The following SYNJ2 variants were observed in gnomAD, a reference collection of about 807,000 sequenced individuals.
SYNJ2 encodes synaptojanin 2, also known as polyphosphatidylinositol phosphatase SYNJ2.
SYNJ2 carries 116 observed loss-of-function variants against 141.3 expected under a neutral mutation model. The ratio of observed to expected loss-of-function variants is 0.82; its 90% CI spans 0.71 to 0.96. The LOEUF is 0.96. Ranked by LOEUF, SYNJ2 falls within the 40% of genes least tolerant of loss-of-function variation. The probability of loss-of-function intolerance (pLI) is 0.00; values close to 1 mark genes in which losing one functional copy is unlikely to be tolerated. For missense variants in SYNJ2, 1,873 were observed against 1,934.8 expected (o/e 0.97, Z 0.60); for synonymous variants, 745 against 777.7 (o/e 0.96, Z 0.70).
At position 158,027,893 on chromosome 6, in the gene SYNJ2, A is replaced by T. The variant is rs907191648; in HGVS notation, c.215-863A>T. ...AGAGGCAGGATGGTCCCTACGGAGCATGTGGGGACGCTCGTGTTCTTCCAG... is the reference window on the plus strand; with the variant it reads ...AGAGGCAGGATGGTCCCTACGGAGCTTGTGGGGACGCTCGTGTTCTTCCAG... On this transcript the variant is annotated intron_variant, in intron 2 of 26. Transcript: ENST00000355585. This position sits in a 1 kb window ranked among gnomAD's most constrained non-coding sequence, Gnocchi z 4.6. 5 of 152,390 alleles carry T rather than the reference A, an allele frequency of 3.3e-5. No homozygotes were observed. Among genetic ancestry groups the T allele is most frequent in the African/African-American group, 1.2e-4 (5 of 41,424 alleles). The allele number at this position is 152,390 out of a possible 1,614,324, so 9.4% of individuals were successfully genotyped here.
chr6:158,037,384 G>T (rs1779691976), intron 4 of SYNJ2, among the ~76,000 whole-genome samples: 1 of 146,716 alleles, frequency 6.8e-6, no homozygotes, highest in African/African-American at 2.5e-5. Context: ...CCCTACTCCA[G>T]TTGTCCTCAT....
intron 4 of SYNJ2, among the ~76,000 whole-genome samples, chr6:158,042,804 T>C (rs146335120): frequency 6.6e-6 from 1 of 152,254 alleles, no homozygotes; most frequent in Non-Finnish European, 1.5e-5. Flanking sequence ...CAAGATCAGG[T>C]TGAGTCTTGC....
intron 26 of SYNJ2, among the ~76,000 whole-genome samples, chr6:158,093,432 C>T (rs1405989650): frequency 1.5e-5 from 2 of 132,256 alleles, no homozygotes; most frequent in African/African-American, 6.1e-5. Flanking sequence ...TGAGACTCCA[C>T]CTCAAAAAAA....
intron 7 of SYNJ2, among the ~76,000 whole-genome samples, chr6:158,061,555 G>A (rs1781220025): frequency 6.6e-6 from 1 of 152,186 alleles, no homozygotes; most frequent in African/African-American, 2.4e-5. Flanking sequence ...TGCGCGGCAG[G>A]ATGGGGCCGG....
intron 1 of SYNJ2, among the ~76,000 whole-genome samples, chr6:157,985,674 C>T (rs7747537): frequency 0.027 from 4,160 of 152,202 alleles, 192 homozygotes; most frequent in African/African-American, 0.095. Context: ...TCAGAGTAAG[C>T]GACAGTGTTC....
chr6:157,989,397 A>T (rs1246236200), intron 1 of SYNJ2, among the ~76,000 whole-genome samples: 1 of 146,882 alleles, frequency 6.8e-6, no homozygotes, highest in African/African-American at 2.5e-5. Flanking sequence ...CAATATGTTC[A>T]GTAAAATCTC....
chr6:158,050,256 A>C (rs1202157182), intron 5 of SYNJ2, among the ~76,000 whole-genome samples: 1 of 152,260 alleles, frequency 6.6e-6, no homozygotes, highest in African/African-American at 2.4e-5. Flanking sequence ...GTTAAAACAC[A>C]GATTCCTGGC....
At chr6:157,999,170 C>T (rs559991997) in intron 1 of SYNJ2, among the ~76,000 whole-genome samples, 1 of 152,232 alleles carries the variant, frequency 6.6e-6, no homozygotes, top group Non-Finnish European at 1.5e-5. Flanking sequence ...AGGAAAAATA[C>T]AAATGGCCAA....
At chr6:158,047,932 G>C (rs2502602) in intron 5 of SYNJ2, among the ~76,000 whole-genome samples, 147,487 of 152,220 alleles carry the variant, frequency 0.97, 71,492 homozygotes, top group East Asian at 1. Context: ...TCTTGGTGCC[G>C]TGAGCACTGA....
At chr6:158,029,092 G>A in intron 3 of SYNJ2, 66 bp downstream of exon 3, 1 of 634,904 alleles carries the variant, frequency 1.6e-6, no homozygotes, top group Non-Finnish European at 2.1e-6. Context: ...GCCCTGGTTG[G>A]CATCTGAGGC....
At chr6:158,045,131 G>A (rs972836759) in intron 5 of SYNJ2, among the ~76,000 whole-genome samples, 1 of 112,818 alleles carries the variant, frequency 8.9e-6, no homozygotes, top group Non-Finnish European at 1.7e-5. Flanking sequence ...TTTTTGAGAT[G>A]GAGTCTCACT....
rs1779203540 is a variant in SYNJ2 at position 158,028,859 on chromosome 6, T to C, written c.318T>C (p.Pro106=). ...IYKITATDFY[P]LQEEAKEEER... is the part of the protein sequence containing the mutation. ...AAATCACTGCCACTGACTTTTACCC[T>C]CTTCAGGAAGAGGCCAAGGAGGAGG... The change falls in exon 3 of 27, where the codon CCT becomes CCC. Residue 106 remains proline, a synonymous_variant. Coordinates refer to ENST00000355585, the MANE Select transcript of SYNJ2 (RefSeq NM_003898.4). The C allele has an allele frequency of 6.2e-7, 1 of 1,614,062 alleles. No individual in the cohort carries two copies. Among genetic ancestry groups the C allele is most frequent in the African/African-American group, 1.3e-5 (1 of 74,912 alleles).
At chr6:158,032,857 G>GA (rs1303037012) in intron 3 of SYNJ2, among the ~76,000 whole-genome samples, 1 of 152,228 alleles carries the variant, frequency 6.6e-6, no homozygotes, top group Non-Finnish European at 1.5e-5. Context: ...TAGGCATGGA[G>GA]AGGGAATACT....
chr6:158,013,413 G>T (rs749935201), intron 1 of SYNJ2, among the ~76,000 whole-genome samples: 2 of 152,146 alleles, frequency 1.3e-5, no homozygotes, highest in Non-Finnish European at 2.9e-5. Context: ...GAACAATTTT[G>T]TATACAGATT....
At chr6:158,033,169 T>A (rs945006364) in intron 3 of SYNJ2, among the ~76,000 whole-genome samples, 1 of 152,246 alleles carries the variant, frequency 6.6e-6, no homozygotes, top group Non-Finnish European at 1.5e-5. Context: ...CCAGCTTTGC[T>A]TCCATTTAGC....
intron 26 of SYNJ2, among the ~76,000 whole-genome samples, chr6:158,094,833 C>A (rs897038245): frequency 6.6e-6 from 1 of 152,190 alleles, no homozygotes; most frequent in Admixed American, 6.5e-5. Flanking sequence ...GGTTTCCATT[C>A]TTTACCAATA....
At chr6:158,087,347 C>T (rs1783119235) in intron 23 of SYNJ2, among the ~76,000 whole-genome samples, 1 of 152,228 alleles carries the variant, frequency 6.6e-6, no homozygotes, top group Admixed American at 6.5e-5. Context: ...CTGCGCAGTC[C>T]TCCCTCTACT....
chr6:158,050,181 A>G lies in SYNJ2; in HGVS notation c.796-4786A>G, dbSNP rs79514722. On this transcript the variant is annotated intron_variant, in intron 5 of 26. Transcript: ENST00000355585. Reference sequence around the variant, plus strand: ...CCAAAAGGGAACATAACAAGTCCAGAAATAAGTCAAAACCAGAACCACTCA... The same window carrying G: ...CCAAAAGGGAACATAACAAGTCCAGGAATAAGTCAAAACCAGAACCACTCA... 5.7e-3 allele frequency among the ~76,000 whole-genome samples: 861 copies of G among 152,386 alleles called. 6 individuals carry two copies. The highest frequency in any genetic ancestry group is 0.02 in the African/African-American group (814 of 41,586).
At chr6:157,995,662 C>T (rs1354360318) in intron 1 of SYNJ2, among the ~76,000 whole-genome samples, 2 of 151,572 alleles carry the variant, frequency 1.3e-5, no homozygotes, top group Non-Finnish European at 3.0e-5. Context: ...CACATGCATG[C>T]ACACACACAC....
Sources: allele counts gnomAD v4.1 joint callset (sites outside exome capture counted in the v4.1 genomes callset), GRCh38; gene constraint gnomAD v4.1.1; non-coding constraint Gnocchi (gnomAD v3.1); transcripts MANE v1.5; gene names NCBI Gene and HGNC (gene_info 2026-07-23, HGNC 2026-07-21).